The following HECW2 variants were observed in gnomAD, a reference collection of about 807,000 sequenced individuals.
HECW2 encodes the protein E3 ubiquitin-protein ligase HECW2.
A neutral mutation model predicts 175.2 loss-of-function variants in HECW2; 61 were observed. That is an observed-to-expected ratio of 0.35 (90% confidence interval 0.28 to 0.43). The LOEUF (loss-of-function observed/expected upper bound fraction) is 0.43. Among genes scored for constraint, HECW2 ranks in the 20% least tolerant of loss-of-function variants. The pLI, the probability that HECW2 is intolerant of heterozygous loss-of-function variation, is 1.00. For missense variants in HECW2, 1,524 were observed against 2,000.5 expected, an observed-to-expected ratio of 0.76 and a Z score of 4.54; for synonymous variants, 671 against 731.0, an observed-to-expected ratio of 0.92 and a Z score of 1.32.
chr2:196,441,338 C>G (rs1696033916), intron 1 of HECW2, among the ~76,000 whole-genome samples: 1 of 149,138 alleles, frequency 6.7e-6, no homozygotes, highest in African/African-American at 2.5e-5. Flanking sequence ...ACTTGTTTAA[C>G]CCTTCAAATT....
intron 28 of HECW2, among the ~76,000 whole-genome samples, chr2:196,203,946 A>G (rs974651787): frequency 6.6e-6 from 1 of 152,206 alleles, no homozygotes; most frequent in Admixed American, 6.5e-5. Flanking sequence ...TGTACTTCAT[A>G]TAAGTGGAAT....
At chr2:196,372,523 G>C (rs747103895) in intron 2 of HECW2, among the ~76,000 whole-genome samples, 1 of 152,166 alleles carries the variant, frequency 6.6e-6, no homozygotes, top group Non-Finnish European at 1.5e-5. Context: ...AAAAGGTGTA[G>C]GATGGAGAAC....
intron 1 of HECW2, among the ~76,000 whole-genome samples, chr2:196,588,616 A>G (rs181383461): frequency 6.6e-6 from 1 of 152,336 alleles, no homozygotes; most frequent in African/African-American, 2.4e-5. Flanking sequence ...CAATTCACAT[A>G]TCCATAGATA....
Position 196,479,612 on chromosome 2 carries a change from A to G in HECW2, c.-35-46154T>C, listed in dbSNP as rs147179014. Among the ~76,000 whole-genome samples, 92 of 152,304 alleles carry G rather than the reference A, an allele frequency of 6.0e-4. No individual in the cohort carries two copies. The East Asian group carries it at 9.3e-3, about 15-fold the overall frequency. ...GTCTCATTGGCTGAGTCTCCACTCAATGCTTAACCAAGCACATTACACTGT... is the reference window on the plus strand; with the variant it reads ...GTCTCATTGGCTGAGTCTCCACTCAGTGCTTAACCAAGCACATTACACTGT... On this transcript the variant is annotated intron_variant, in intron 1 of 28. Coordinates refer to ENST00000644978, the MANE Select transcript of HECW2 (RefSeq NM_001348768.2).
At chr2:196,485,000 G>A (rs1322350166) in intron 1 of HECW2, among the ~76,000 whole-genome samples, 2 of 152,182 alleles carry the variant, frequency 1.3e-5, no homozygotes, top group East Asian at 3.9e-4. Context: ...AATCAACCCA[G>A]TATGGTTGGA....
intron 1 of HECW2, among the ~76,000 whole-genome samples, chr2:196,518,397 T>C (rs1040074132): frequency 1.3e-5 from 2 of 152,190 alleles, no homozygotes; most frequent in Middle Eastern, 3.4e-3. Flanking sequence ...GGCTCACGAC[T>C]GTAATCCCAG....
chr2:196,468,981 T>C (rs563277350), intron 1 of HECW2, among the ~76,000 whole-genome samples: 3 of 152,232 alleles, frequency 2.0e-5, no homozygotes, highest in Non-Finnish European at 4.4e-5. Flanking sequence ...CACTATATCG[T>C]GATGGAAGAA....
intron 1 of HECW2, among the ~76,000 whole-genome samples, chr2:196,589,042 C>T (rs1691087859): frequency 6.6e-6 from 1 of 151,898 alleles, no homozygotes. Flanking sequence ...CTACTAAAAA[C>T]ACAAAAATTT....
At chr2:196,278,133 A>AAAAAAAAAAAAAATATAT (rs531920307) in intron 15 of HECW2, among the ~76,000 whole-genome samples, 1 of 66,552 alleles carries the variant, frequency 1.5e-5, no homozygotes, top group African/African-American at 4.1e-5. Context: ...ATAATTAAAA[A>AAAAAAAAAAAAAATATAT]ATATATATAT....
At chr2:196,568,873 G>A (rs951922889) in intron 1 of HECW2, among the ~76,000 whole-genome samples, 2 of 152,168 alleles carry the variant, frequency 1.3e-5, no homozygotes, top group Admixed American at 1.3e-4. Flanking sequence ...TAACCTGGTC[G>A]CTGTAGCATC....
Position 196,382,826 on chromosome 2 carries a change from C to T in HECW2, c.293-39062G>A, listed in dbSNP as rs1262640327. On this transcript the variant is annotated intron_variant, in intron 2 of 28. Transcript: ENST00000644978. ...ATAACCCTGACCTTTAGAAATGTAA[C>T]CAGCCTCAATACTAGTAAAAATGAT... Among the ~76,000 whole-genome samples, 4 of 152,246 alleles carry T rather than the reference C, an allele frequency of 2.6e-5. No individual in the cohort carries two copies. The South Asian group carries it at 6.2e-4, about 24-fold the overall frequency.
At chr2:196,516,234 C>T (rs1688143369) in intron 1 of HECW2, among the ~76,000 whole-genome samples, 1 of 152,192 alleles carries the variant, frequency 6.6e-6, no homozygotes, top group African/African-American at 2.4e-5. Flanking sequence ...GTTTAGGAAG[C>T]AAGCTCATTT....
At chr2:196,347,173 C>T (rs891565128) in intron 2 of HECW2, among the ~76,000 whole-genome samples, 1 of 148,322 alleles carries the variant, frequency 6.7e-6, no homozygotes, top group Non-Finnish European at 1.5e-5. Flanking sequence ...CTGCCTCAGC[C>T]TCCCGAGTAG....
intron 1 of HECW2, among the ~76,000 whole-genome samples, chr2:196,580,959 G>A (rs1241251791): frequency 6.6e-6 from 1 of 152,128 alleles, no homozygotes; most frequent in Non-Finnish European, 1.5e-5. Context: ...GAAATATTTG[G>A]TCATTTAAAG....
intron 2 of HECW2, among the ~76,000 whole-genome samples, chr2:196,366,425 C>T (rs1204293171): frequency 6.6e-6 from 1 of 152,136 alleles, no homozygotes; most frequent in Non-Finnish European, 1.5e-5. Flanking sequence ...GCATTGTGAT[C>T]CATTACTTTC....
chr2:196,244,376 C>T (rs1276752021), intron 19 of HECW2, among the ~76,000 whole-genome samples: 1 of 152,202 alleles, frequency 6.6e-6, no homozygotes, highest in Non-Finnish European at 1.5e-5. Context: ...TAATTGCCAA[C>T]ATTTACAAAT....
At chr2:196,248,623 C>CAGGG (rs10641361) in intron 19 of HECW2, among the ~76,000 whole-genome samples, 1 of 148,364 alleles carries the variant, frequency 6.7e-6, no homozygotes. Flanking sequence ...CACACACACA[C>CAGGG]ACACACACAG....
intron 19 of HECW2, 37 bp from the exon 20 acceptor site, chr2:196,242,241 G>C (rs756980160): frequency 6.2e-7 from 1 of 1,613,212 alleles, no homozygotes; most frequent in Non-Finnish European, 8.5e-7. Context: ...ATCTGGATTT[G>C]TGCCTCGTCC....
At chr2:196,326,901 T>C (rs1470200863) in intron 5 of HECW2, among the ~76,000 whole-genome samples, 1 of 152,238 alleles carries the variant, frequency 6.6e-6, no homozygotes, top group Non-Finnish European at 1.5e-5. Context: ...TACTCATTAT[T>C]AAATGCAGAA....
Sources: gnomAD v4.1 joint callset for allele counts (sites outside exome capture counted in the v4.1 genomes callset) on GRCh38, gnomAD v4.1.1 for gene constraint, MANE v1.5 for transcripts, NCBI Gene and HGNC (gene_info 2026-07-23, HGNC 2026-07-21) for gene names.